The following RPS6KA2 variants were observed in gnomAD, a reference collection of about 807,000 sequenced individuals.
RPS6KA2 encodes the protein ribosomal protein S6 kinase alpha-2.
Under a neutral mutation model 91.8 loss-of-function variants are expected in RPS6KA2, and 42 were observed. That is an observed-to-expected ratio of 0.46 (90% confidence interval 0.36 to 0.59). The LOEUF is 0.59. RPS6KA2 is among the 20% of genes least tolerant of loss of function. The pLI is 0.00. For missense variants in RPS6KA2, 798 were observed against 978.5 expected, an observed-to-expected ratio of 0.82 and a Z score of 2.46; for synonymous variants, 414 against 393.6, an observed-to-expected ratio of 1.05 and a Z score of -0.61.
intron 1 of RPS6KA2, among the ~76,000 whole-genome samples, chr6:166,552,538 T>C (rs1784053456): frequency 6.6e-6 from 1 of 152,214 alleles, no homozygotes; most frequent in African/African-American, 2.4e-5. Flanking sequence ...AAAGTTTTTT[T>C]TTTAAATCTA....
intron 1 of RPS6KA2, among the ~76,000 whole-genome samples, chr6:166,589,666 A>G (rs1785295005): frequency 6.6e-6 from 1 of 152,230 alleles, no homozygotes; most frequent in African/African-American, 2.4e-5. Context: ...ATCAGCTCCA[A>G]TAGAGACTGT....
chr6:166,587,211 C>G (rs1018054913), intron 1 of RPS6KA2, among the ~76,000 whole-genome samples: 2 of 152,162 alleles, frequency 1.3e-5, no homozygotes, highest in African/African-American at 4.8e-5. Flanking sequence ...CAAGAGTGCA[C>G]AGTCCAGAGA....
chr6:166,747,653 A>G (rs1476977796), intron 2 of RPS6KA2, among the ~76,000 whole-genome samples: 2 of 152,140 alleles, frequency 1.3e-5, no homozygotes, highest in Non-Finnish European at 2.9e-5. Context: ...TGAGTGAGGA[A>G]AACAGAGAGG....
rs1780679828 is a variant in RPS6KA2 at position 166,469,585 on chromosome 6, G to A, written c.972+256C>T. Among the ~76,000 whole-genome samples the A allele has an allele frequency of 2.0e-5, 3 of 152,176 alleles. No individual in the cohort carries two copies. In the South Asian group the frequency reaches 6.2e-4, roughly 32 times the overall value. On this transcript the variant is annotated intron_variant, in intron 11 of 20. Coordinates refer to ENST00000265678, the MANE Select transcript of RPS6KA2 (RefSeq NM_021135.6). The stretch of plus-strand genomic sequence containing the variant: ...GAAGCCTCGACTCTGATGGGCAGAG[G>A]AGAGTAGAAGGAGGAAAGCTGAGGG...
chr6:166,623,571 C>A (rs1786725331), intron 1 of RPS6KA2, among the ~76,000 whole-genome samples: 1 of 152,244 alleles, frequency 6.6e-6, no homozygotes, highest in Admixed American at 6.5e-5. Flanking sequence ...GACGGTAACT[C>A]CAGCTTAGCA....
chr6:166,524,679 T>C (rs548568365), intron 3 of RPS6KA2, among the ~76,000 whole-genome samples: 1 of 152,354 alleles, frequency 6.6e-6, no homozygotes, highest in African/African-American at 2.4e-5. Context: ...CAGCTTACAC[T>C]TTCCAAGCCT....
intron 1 of RPS6KA2, among the ~76,000 whole-genome samples, chr6:166,556,006 G>A (rs1317160805): frequency 6.6e-6 from 1 of 152,196 alleles, no homozygotes; most frequent in Non-Finnish European, 1.5e-5. Context: ...CTCAGGACTG[G>A]AGTGAAAGGG....
intron 2 of RPS6KA2, among the ~76,000 whole-genome samples, chr6:166,756,795 G>A (rs532949914): frequency 2.0e-5 from 3 of 152,276 alleles, no homozygotes; most frequent in South Asian, 2.1e-4. Context: ...GTGGTGAGCC[G>A]AGATGGCGCC....
chr6:166,548,231 G>A (rs976285962), intron 1 of RPS6KA2, among the ~76,000 whole-genome samples: 2 of 152,226 alleles, frequency 1.3e-5, no homozygotes, highest in Non-Finnish European at 2.9e-5. Context: ...GGAGAGACAT[G>A]TCATGTTGAC....
At chr6:166,523,783 G>A (rs760495231) in intron 3 of RPS6KA2, among the ~76,000 whole-genome samples, 3 of 152,150 alleles carry the variant, frequency 2.0e-5, no homozygotes, top group Middle Eastern at 3.2e-3. Flanking sequence ...GCCTTCTAAC[G>A]AAGCATCTCA....
intron 2 of RPS6KA2, among the ~76,000 whole-genome samples, chr6:166,755,341 G>C (rs471953): frequency 0.26 from 39,475 of 151,822 alleles, 8,834 homozygotes; most frequent in African/African-American, 0.6. Context: ...AGATGCATTG[G>C]GCCTCCTAGA....
At chr6:166,562,624 A>T (rs1784376725) in intron 1 of RPS6KA2, among the ~76,000 whole-genome samples, 1 of 152,228 alleles carries the variant, frequency 6.6e-6, no homozygotes, top group African/African-American at 2.4e-5. Context: ...CTAAGCCTTG[A>T]GTATGTCAAA....
chr6:166,469,905 C>T lies in RPS6KA2; in HGVS notation c.908G>A (p.Gly303Asp). 6.2e-7 allele frequency: 1 copy of T among 1,613,724 alleles called. No individual in the cohort carries two copies. The highest frequency in any genetic ancestry group is 8.5e-7 in the Non-Finnish European group (1 of 1,179,564). ...LFKRNPCNRL[G>D]AGIDGVEEIK... is the part of the protein sequence containing the mutation. ...TTCCTCCACTCCGTCAATGCCAGCACCTGTCAACAACACAGAAATGATCAT... is the reference window on the plus strand; with the variant it reads ...TTCCTCCACTCCGTCAATGCCAGCATCTGTCAACAACACAGAAATGATCAT... The change falls in exon 11 of 21, where the codon GGT (glycine) becomes GAT (aspartate). Residue 303 changes from glycine to aspartate, a missense_variant and splice_region_variant. By Grantham distance (94) the Gly-to-Asp change is moderately conservative. Coordinates refer to ENST00000265678, the MANE Select transcript of RPS6KA2 (RefSeq NM_021135.6).
In RPS6KA2 at chr6:166,438,566, G is replaced by A. The variant is rs144795544; in HGVS notation, c.1333-6076C>T. On this transcript the variant is annotated intron_variant, in intron 14 of 20. Transcript: ENST00000265678. ...TTGCTACCGAAAAGGGAGAGTAGCT[G>A]CATCTTAACTCATGTGCTTCTTTCT... Among the ~76,000 whole-genome samples the A allele has an allele frequency of 2.4e-4, 36 of 152,340 alleles. 1 individual carries two copies. The East Asian group carries it at 6.2e-3, about 26-fold the overall frequency.
At chr6:166,723,315 C>G (rs1373128316) in intron 2 of RPS6KA2, among the ~76,000 whole-genome samples, 1 of 152,214 alleles carries the variant, frequency 6.6e-6, no homozygotes, top group Non-Finnish European at 1.5e-5. Flanking sequence ...GTGGCCTAGG[C>G]CCCCCAGATG....
chr6:166,517,455 G>GTTTTGTTTTTTTTTT (rs1562550744), intron 3 of RPS6KA2, among the ~76,000 whole-genome samples: 1 of 104,938 alleles, frequency 9.5e-6, no homozygotes, highest in African/African-American at 4.4e-5. Context: ...CTTTTGTTTT[G>GTTTTGTTTTTTTTTT]TTTTTTTTTT....
Position 166,746,023 on chromosome 6 carries a change from C to G in RPS6KA2, c.123+112177G>C, listed in dbSNP as rs567347131. On this transcript the variant is annotated intron_variant, in intron 2 of 21. Coordinates refer to the RPS6KA2 transcript ENST00000503859. ...GAGCCAGCGGTGCTGCTGTGAGTCT[C>G]TAAGAAGTATCCGTGTTGCAGCTAC... Among the ~76,000 whole-genome samples the G allele has an allele frequency of 1.7e-4, 26 of 152,348 alleles. No individual in the cohort carries two copies. The South Asian group carries it at 3.3e-3, about 19-fold the overall frequency.
intron 1 of RPS6KA2, among the ~76,000 whole-genome samples, chr6:166,541,066 A>G (rs16899117): frequency 0.06 from 9,074 of 152,268 alleles, 946 homozygotes; most frequent in African/African-American, 0.21. Flanking sequence ...CAGGACTAGC[A>G]CGCGCATGAG....
chr6:166,765,772 G>C (rs1362502983), intron 2 of RPS6KA2, among the ~76,000 whole-genome samples: 1 of 152,152 alleles, frequency 6.6e-6, no homozygotes, highest in African/African-American at 2.4e-5. Flanking sequence ...GGTGTTTTAG[G>C]CTTCATCTCC....
Sources: allele counts gnomAD v4.1 joint callset (sites outside exome capture counted in the v4.1 genomes callset), GRCh38; gene constraint gnomAD v4.1.1; transcripts MANE v1.5; gene names NCBI Gene and HGNC (gene_info 2026-07-23, HGNC 2026-07-21).